ROCK2: variants seen among roughly 807,000 people sequenced by gnomAD.
The protein encoded by ROCK2 is Rho associated coiled-coil containing protein kinase 2.
In ROCK2, 61 loss-of-function variants were observed where a neutral mutation model predicts 195.1. The ratio of observed to expected loss-of-function variants is 0.31; its 90% confidence interval spans 0.25 to 0.39. The LOEUF is 0.39. ROCK2 is among the 10% of genes least tolerant of loss of function. ROCK2 has a pLI of 1.00. For missense variants in ROCK2, 1,109 were observed against 1,637.4 expected, an observed-to-expected ratio of 0.68 and a Z score of 5.57; for synonymous variants, 504 against 545.5, an observed-to-expected ratio of 0.92 and a Z score of 1.06.
rs1318780131 is a variant in ROCK2 at position 11,197,504 on chromosome 2, A to G, written c.3279+22T>C. 7 of 1,605,398 alleles carry G rather than the reference A, an allele frequency of 4.4e-6. No individual in the cohort carries two copies. The highest frequency in any genetic ancestry group is 6.0e-6 in the Non-Finnish European group (7 of 1,175,626). On this transcript the variant is annotated intron_variant, in intron 26 of 32. Coordinates refer to ENST00000315872, the MANE Select transcript of ROCK2 (RefSeq NM_004850.5). This position sits in a 1 kb window ranked among gnomAD's most constrained non-coding sequence, Gnocchi z 4.9. ...CTTCTTAAAAAGAAGTCTTCAGTCT[A>G]GAGTCCAAAAAGTATTCTTACTGCC...
chr2:11,311,984 CAACAT>C (rs1668050321), intron 1 of ROCK2, among the ~76,000 whole-genome samples: 1 of 152,138 alleles, frequency 6.6e-6, no homozygotes, highest in African/African-American at 2.4e-5. Context: ...TCAACAAATA[CAACAT>C]ATCACAACTG....
At chr2:11,330,499 A>G (rs1668684336) in intron 1 of ROCK2, among the ~76,000 whole-genome samples, 1 of 152,182 alleles carries the variant, frequency 6.6e-6, no homozygotes, top group Admixed American at 6.5e-5. Context: ...CAACATACAA[A>G]AACACATTTT....
At chr2:11,278,498 C>A (rs1282423120) in intron 3 of ROCK2, among the ~76,000 whole-genome samples, 1 of 152,144 alleles carries the variant, frequency 6.6e-6, no homozygotes, top group Non-Finnish European at 1.5e-5. Flanking sequence ...TATCTTGGCT[C>A]TTATGAATAA....
chr2:11,248,207 T>G (rs189564276), intron 4 of ROCK2, among the ~76,000 whole-genome samples: 2,795 of 140,640 alleles, frequency 0.02, 73 homozygotes, highest in African/African-American at 0.068. Context: ...CAAAAGTGGG[T>G]TTTTTTTGGG....
chr2:11,320,434 C>T (rs1359111610), intron 1 of ROCK2, among the ~76,000 whole-genome samples: 1 of 152,138 alleles, frequency 6.6e-6, no homozygotes, highest in Non-Finnish European at 1.5e-5. Flanking sequence ...TACTTTAACA[C>T]TTAAATGTAA....
At chr2:11,189,326 T>G (rs934832223) in intron 32 of ROCK2, among the ~76,000 whole-genome samples, 2 of 152,180 alleles carry the variant, frequency 1.3e-5, no homozygotes, top group Admixed American at 6.5e-5. Context: ...GTGCCTCTGT[T>G]TTCTTGGATG....
chr2:11,308,945 T>C (rs1667948261), intron 1 of ROCK2: 7 of 1,611,064 alleles, frequency 4.3e-6, no homozygotes, highest in Non-Finnish European at 5.9e-6. Context: ...GGAATGATCC[T>C]GACATGATGA....
chr2:11,221,879 T>C (rs991662392), intron 8 of ROCK2, among the ~76,000 whole-genome samples: 9 of 152,160 alleles, frequency 5.9e-5, no homozygotes, highest in African/African-American at 2.2e-4. Context: ...TGTAAAAGTG[T>C]TGAGAAATAT....
intron 3 of ROCK2, among the ~76,000 whole-genome samples, chr2:11,278,859 C>T (rs1666911791): frequency 6.6e-6 from 1 of 152,152 alleles, no homozygotes. Context: ...GTTGATCCAC[C>T]CGCCTTGGCC....
chr2:11,301,744 C>T (rs946133514), intron 1 of ROCK2, among the ~76,000 whole-genome samples: 3 of 149,482 alleles, frequency 2.0e-5, no homozygotes, highest in Admixed American at 1.3e-4. Context: ...CGCCATTGCA[C>T]TCCAGCCTGG....
chr2:11,254,227 C>T (rs12479227), intron 3 of ROCK2, among the ~76,000 whole-genome samples: 6,216 of 152,184 alleles, frequency 0.041, 182 homozygotes, highest in East Asian at 0.13. Flanking sequence ...ATTCAGGTTT[C>T]GTAAAATAAA....
At chr2:11,296,003 GAGGA>G (rs1359583692) in intron 1 of ROCK2, among the ~76,000 whole-genome samples, 8 of 18,030 alleles carry the variant, frequency 4.4e-4, no homozygotes, top group African/African-American at 1.3e-3. Context: ...GAGAGAGAGA[GAGGA>G]GAGAGAGAGA....
At chr2:11,190,215 A>G (rs1286555418) in intron 32 of ROCK2, among the ~76,000 whole-genome samples, 1 of 152,188 alleles carries the variant, frequency 6.6e-6, no homozygotes, top group Non-Finnish European at 1.5e-5. Flanking sequence ...CAAAATATAC[A>G]CTACACATTT....
intron 3 of ROCK2, among the ~76,000 whole-genome samples, chr2:11,261,736 C>CAACCCAGG (rs370428298): frequency 6.6e-6 from 1 of 152,092 alleles, no homozygotes; most frequent in African/African-American, 2.4e-5. Context: ...AGAATCGCTT[C>CAACCCAGG]AACCCAGGAA....
At chr2:11,324,956 C>T (rs1668504630) in intron 1 of ROCK2, among the ~76,000 whole-genome samples, 1 of 152,230 alleles carries the variant, frequency 6.6e-6, no homozygotes, top group African/African-American at 2.4e-5. Flanking sequence ...ATCCATACTT[C>T]TCATAATAGA....
At chr2:11,338,526 G>A (rs1246707220) in intron 1 of ROCK2, among the ~76,000 whole-genome samples, 3 of 152,150 alleles carry the variant, frequency 2.0e-5, no homozygotes, top group African/African-American at 4.8e-5. Flanking sequence ...GTATATGGAG[G>A]ATATGCACAG....
intron 1 of ROCK2, among the ~76,000 whole-genome samples, chr2:11,314,547 GA>G (rs928957111): frequency 6.6e-6 from 1 of 151,790 alleles, no homozygotes; most frequent in East Asian, 1.9e-4. Flanking sequence ...GTAAGTTTAG[GA>G]AAAAAACCCC....
At chr2:11,268,743 A>G (rs925440085) in intron 3 of ROCK2, among the ~76,000 whole-genome samples, 10 of 152,128 alleles carry the variant, frequency 6.6e-5, no homozygotes, top group African/African-American at 2.2e-4. Context: ...TGACCGTAAG[A>G]TTTCTCATTG....
chr2:11,342,082 T>G (rs901533428), intron 1 of ROCK2, among the ~76,000 whole-genome samples: 2 of 152,138 alleles, frequency 1.3e-5, no homozygotes, highest in Non-Finnish European at 2.9e-5. Context: ...TATAAAAAAA[T>G]TTTTAAATTT....
Sources: gnomAD v4.1 joint callset for allele counts (sites outside exome capture counted in the v4.1 genomes callset) on GRCh38, gnomAD v4.1.1 for gene constraint, Gnocchi (gnomAD v3.1) non-coding constraint, MANE v1.5 for transcripts, NCBI Gene and HGNC (gene_info 2026-07-23, HGNC 2026-07-21) for gene names.